The following HMG20A variants were observed in gnomAD, a reference collection of about 807,000 sequenced individuals.
HMG20A encodes the protein high mobility group 20A, also known as high mobility group protein 20A.
Under a neutral mutation model 43.9 loss-of-function variants are expected in HMG20A, and 17 were observed. The observed-to-expected ratio is 0.39, with a 90% CI of 0.27 to 0.58. HMG20A has a LOEUF of 0.58. Ranked by LOEUF, HMG20A falls within the 20% of genes least tolerant of loss-of-function variation. The pLI is 0.59. For missense variants in HMG20A, 341 were observed against 438.2 expected, an observed-to-expected ratio of 0.78 and a Z score of 1.98; for synonymous variants, 132 against 147.5, an observed-to-expected ratio of 0.89 and a Z score of 0.76.
intron 1 of HMG20A, among the ~76,000 whole-genome samples, chr15:77,424,809 A>T (rs2073408611): frequency 6.6e-6 from 1 of 152,220 alleles, no homozygotes; most frequent in African/African-American, 2.4e-5. Context: ...TAATCTTGGC[A>T]CAAATCACTA....
intron 2 of HMG20A, among the ~76,000 whole-genome samples, chr15:77,460,025 C>T (rs922168444): frequency 7.2e-5 from 11 of 152,112 alleles, no homozygotes; most frequent in African/African-American, 2.4e-4. Context: ...ATCTGACTTA[C>T]GGTTTTATAA....
the HMG20A span, among the ~76,000 whole-genome samples, chr15:77,492,856 G>C: frequency 1.1e-4 from 17 of 152,198 alleles, no homozygotes; most frequent in African/African-American, 4.1e-4. Flanking sequence ...AGAGCATGCA[G>C]TGGGGATGGA....
At chr15:77,434,082 A>T (rs2073519409) in intron 1 of HMG20A, among the ~76,000 whole-genome samples, 1 of 152,204 alleles carries the variant, frequency 6.6e-6, no homozygotes, top group African/African-American at 2.4e-5. Context: ...TCCCATATGT[A>T]TGTAATCAAT....
At chr15:77,450,923 T>C (rs2073729992) in intron 1 of HMG20A, among the ~76,000 whole-genome samples, 1 of 152,240 alleles carries the variant, frequency 6.6e-6, no homozygotes, top group Non-Finnish European at 1.5e-5. Context: ...CACTATTGTA[T>C]GAATTTCCTC....
At chr15:77,497,694 TG>T in the HMG20A span, among the ~76,000 whole-genome samples, 1 of 146,310 alleles carries the variant, frequency 6.8e-6, no homozygotes, top group Admixed American at 6.7e-5. Flanking sequence ...TGTGTGTGTG[TG>T]TGTGTGTGTG....
intron 6 of HMG20A, among the ~76,000 whole-genome samples, chr15:77,474,541 G>T (rs1054429286): frequency 1.3e-5 from 2 of 152,186 alleles, no homozygotes; most frequent in Non-Finnish European, 1.5e-5. Flanking sequence ...AAATTACAGC[G>T]TTGAAAGTAA....
chr15:77,437,259 T>G (rs2073559576), intron 1 of HMG20A, among the ~76,000 whole-genome samples: 1 of 152,220 alleles, frequency 6.6e-6, no homozygotes, highest in African/African-American at 2.4e-5. Context: ...TAGTTTTTCA[T>G]GAGGGCAGAG....
At chr15:77,463,421 T>C (rs1253316196) in intron 2 of HMG20A, among the ~76,000 whole-genome samples, 1 of 152,184 alleles carries the variant, frequency 6.6e-6, no homozygotes, top group Non-Finnish European at 1.5e-5. Flanking sequence ...TGACTGAATA[T>C]TACTCTATTA....
intron 3 of HMG20A, among the ~76,000 whole-genome samples, chr15:77,465,658 G>A (rs2072750786): frequency 1.3e-5 from 2 of 152,264 alleles, no homozygotes; most frequent in East Asian, 3.9e-4. Flanking sequence ...GCCCTCCAAA[G>A]TGCTGGGATT....
intron 3 of HMG20A, chr15:77,464,687 A>G (rs2072738468): frequency 3.6e-6 from 1 of 276,952 alleles, no homozygotes; most frequent in South Asian, 4.1e-5. Flanking sequence ...ACTAATGAGA[A>G]GTGTACATGC....
the HMG20A span, among the ~76,000 whole-genome samples, chr15:77,510,215 C>T: frequency 1.3e-5 from 2 of 152,188 alleles, no homozygotes; most frequent in Non-Finnish European, 2.9e-5. Flanking sequence ...CTGCACACAG[C>T]ATGCCTCAGT....
intron 1 of HMG20A, among the ~76,000 whole-genome samples, chr15:77,435,900 C>A (rs1220276923): frequency 6.6e-6 from 1 of 151,104 alleles, no homozygotes; most frequent in Non-Finnish European, 1.5e-5. Context: ...TTTTGCAGTT[C>A]CTCCTCTACT....
At chr15:77,495,911 G>A in the HMG20A span, among the ~76,000 whole-genome samples, 1 of 152,172 alleles carries the variant, frequency 6.6e-6, no homozygotes, top group South Asian at 2.1e-4. Flanking sequence ...CAGCCCTCAC[G>A]AATGGTAGGT....
intron 2 of HMG20A, among the ~76,000 whole-genome samples, chr15:77,460,108 G>A (rs796694658): frequency 2.6e-5 from 4 of 152,206 alleles, no homozygotes; most frequent in African/African-American, 9.6e-5. Context: ...AGTTAGGGAG[G>A]CTCTTAAAAT....
the HMG20A span, among the ~76,000 whole-genome samples, chr15:77,500,378 C>A: frequency 6.6e-6 from 1 of 152,070 alleles, no homozygotes; most frequent in Non-Finnish European, 1.5e-5. Context: ...GCAGGTGGAC[C>A]AATGTTATAT....
At chr15:77,469,122 C>T (rs1465758386) in intron 4 of HMG20A, among the ~76,000 whole-genome samples, 1 of 151,910 alleles carries the variant, frequency 6.6e-6, no homozygotes, top group Non-Finnish European at 1.5e-5. Context: ...CAATATGTCA[C>T]ATATGCAGGC....
intron 1 of HMG20A, among the ~76,000 whole-genome samples, chr15:77,430,475 A>G (rs544413588): frequency 2.6e-4 from 39 of 152,366 alleles, no homozygotes; most frequent in African/African-American, 9.1e-4. Flanking sequence ...AAGAAACCAC[A>G]ACCATAGAAC....
At chr15:77,507,356 C>A in the HMG20A span, among the ~76,000 whole-genome samples, 1 of 151,184 alleles carries the variant, frequency 6.6e-6, no homozygotes, top group African/African-American at 2.5e-5. Flanking sequence ...GTACACACAC[C>A]CCCCACACCC....
At chr15:77,430,820 A>G (rs2073476759) in intron 1 of HMG20A, among the ~76,000 whole-genome samples, 1 of 152,240 alleles carries the variant, frequency 6.6e-6, no homozygotes, top group Admixed American at 6.5e-5. Flanking sequence ...ATAACTTGTG[A>G]CAGCAACAAT....
Sources: gnomAD v4.1 joint callset for allele counts (sites outside exome capture counted in the v4.1 genomes callset) on GRCh38, gnomAD v4.1.1 for gene constraint, MANE v1.5 for transcripts, NCBI Gene and HGNC (gene_info 2026-07-23, HGNC 2026-07-21) for gene names.